Variants in ZNF354B observed in about 807,000 individuals in gnomAD.
ZNF354B encodes zinc finger protein 354B.
A neutral mutation model predicts 12.9 loss-of-function variants in ZNF354B; 10 were observed. The observed-to-expected ratio is 0.77, with a 90% confidence interval of 0.48 to 1.31. The LOEUF (loss-of-function observed/expected upper bound fraction) is 1.31, where lower values mean the gene tolerates loss of function less well. Ranked by LOEUF, ZNF354B falls within the 40% of genes most tolerant of loss-of-function variation. ZNF354B has a pLI of 0.00. For missense variants in ZNF354B, 614 were observed against 711.7 expected (o/e 0.86, Z 1.56); for synonymous variants, 260 against 243.7 (o/e 1.07, Z -0.62).
At chr5:178,879,276 A>T (rs1757683526) in intron 4 of ZNF354B, among the ~76,000 whole-genome samples, 1 of 151,890 alleles carries the variant, frequency 6.6e-6, no homozygotes, top group Non-Finnish European at 1.5e-5. Flanking sequence ...CAAACTCCTG[A>T]CCTTAAGAGA....
At chr5:178,876,489 T>C (rs1337431275) in intron 4 of ZNF354B, among the ~76,000 whole-genome samples, 2 of 152,238 alleles carry the variant, frequency 1.3e-5, no homozygotes, top group Admixed American at 6.5e-5. Context: ...GCAGGGCTGG[T>C]GTGACCATGC....
At chr5:178,880,344 G>A (rs534214353) in intron 4 of ZNF354B, among the ~76,000 whole-genome samples, 6 of 148,966 alleles carry the variant, frequency 4.0e-5, no homozygotes, top group African/African-American at 1.5e-4. Flanking sequence ...GGAGTGTAGG[G>A]GCACGCCACC....
chr5:178,866,381 T>G lies in ZNF354B; in HGVS notation c.160+11T>G. 1.9e-6 allele frequency: 3 copies of G among 1,606,742 alleles called. No homozygotes were observed. Among genetic ancestry groups the G allele is most frequent in the Non-Finnish European group, 2.5e-6 (3 of 1,176,606 alleles). On this transcript the variant is annotated intron_variant, in intron 3 of 4. Coordinates refer to ENST00000322434, the MANE Select transcript of ZNF354B (RefSeq NM_058230.3). ...ACCTGGTCTCACTGGGTAAGGAAAT[T>G]TCCCCTCTAGAAACAGAATTCAAAA...
At position 178,883,301 on chromosome 5, in the gene ZNF354B, A is replaced by G; in HGVS notation, c.849A>G (p.Ala283=). Residue 283 remains alanine, a synonymous_variant, in exon 5 of 5, where the codon GCA becomes GCG. Coordinates refer to ENST00000322434, the MANE Select transcript of ZNF354B (RefSeq NM_058230.3). The part of the protein sequence containing the change: ...KECGKAFSHS[A]SLCKHLRTHT... The stretch of plus-strand genomic sequence containing the variant: ...GTGGGAAAGCCTTCAGCCATAGTGC[A>G]TCCCTTTGTAAGCATTTAAGGACCC... The G allele has an allele frequency of 6.2e-7, 1 of 1,613,638 alleles. No individual in the cohort carries two copies. The highest frequency in any genetic ancestry group is 8.5e-7 in the Non-Finnish European group (1 of 1,179,826).
intron 1 of ZNF354B, among the ~76,000 whole-genome samples, chr5:178,860,513 A>T (rs1757329683): frequency 6.6e-6 from 1 of 152,094 alleles, no homozygotes; most frequent in Non-Finnish European, 1.5e-5. Context: ...TCCTCTTCAA[A>T]GCCGTTTTCC....
intron 4 of ZNF354B, among the ~76,000 whole-genome samples, chr5:178,880,187 T>C (rs979445271): frequency 6.6e-6 from 1 of 151,996 alleles, no homozygotes; most frequent in African/African-American, 2.4e-5. Flanking sequence ...TCATCCAATT[T>C]CTTTTTTTCC....
intron 4 of ZNF354B, among the ~76,000 whole-genome samples, chr5:178,870,751 T>C (rs189418875): frequency 2.6e-5 from 4 of 152,298 alleles, no homozygotes; most frequent in Admixed American, 6.5e-5. Flanking sequence ...CCTGATGACA[T>C]GGCCTGGAAT....
rs780137796 is a variant in ZNF354B at position 178,882,860 on chromosome 5, C to T, written c.408C>T (p.Asp136=). ...AAGAGAAATTAAAGAAACAGCAGGA[C>T]AAAAATGAAAATTTACAAATAATTT... ...IYEEKLKKQQ[D]KNENLQIISV... Residue 136 remains aspartate, a synonymous_variant, in exon 5 of 5, where the codon GAC becomes GAT. Transcript: ENST00000322434. The T allele has an allele frequency of 1.9e-6, 3 of 1,604,380 alleles. No homozygotes were observed. In the South Asian group the frequency reaches 3.4e-5, roughly 18 times the overall value.
intron 4 of ZNF354B, among the ~76,000 whole-genome samples, chr5:178,872,139 T>C (rs552222650): frequency 1.3e-5 from 2 of 152,334 alleles, no homozygotes; most frequent in African/African-American, 4.8e-5. Context: ...ACTGCCCCTG[T>C]TCCCTGCCTC....
At position 178,865,942 on chromosome 5, in the gene ZNF354B, A is replaced by G. The variant is rs548164671; in HGVS notation, c.34-302A>G. 1.4e-4 allele frequency among the ~76,000 whole-genome samples: 21 copies of G among 152,324 alleles called. No homozygotes were observed. In the South Asian group the frequency reaches 4.1e-3, roughly 30 times the overall value. Reference sequence around the variant, plus strand: ...GTAATTGGTGAGTTAAAGATTATACATAGTTCTAAGTTCTTATGTATTATA... The same window carrying G: ...GTAATTGGTGAGTTAAAGATTATACGTAGTTCTAAGTTCTTATGTATTATA... On this transcript the variant is annotated intron_variant, in intron 2 of 4. Transcript: ENST00000322434.
At chr5:178,877,872 C>T (rs1342871903) in intron 4 of ZNF354B, among the ~76,000 whole-genome samples, 1 of 152,234 alleles carries the variant, frequency 6.6e-6, no homozygotes, top group Non-Finnish European at 1.5e-5. Context: ...CAGACAGATT[C>T]TGACACCTCA....
intron 4 of ZNF354B, among the ~76,000 whole-genome samples, chr5:178,871,742 G>A (rs1032667540): frequency 3.3e-5 from 5 of 152,154 alleles, no homozygotes; most frequent in Admixed American, 6.5e-5. Flanking sequence ...ACTTGGATTC[G>A]ATGTGGAAGA....
intron 4 of ZNF354B, among the ~76,000 whole-genome samples, chr5:178,869,669 T>C (rs998540215): frequency 2.0e-5 from 3 of 152,100 alleles, no homozygotes; most frequent in Non-Finnish European, 4.4e-5. Context: ...GCCGGGCACC[T>C]GATAGTGTTG....
intron 1 of ZNF354B, among the ~76,000 whole-genome samples, chr5:178,860,457 A>G (rs1757328953): frequency 6.6e-6 from 1 of 152,098 alleles, no homozygotes. Context: ...TTTCTGAGTC[A>G]GTCCCCAGGA....
chr5:178,869,782 T>G (rs930103516), intron 4 of ZNF354B, among the ~76,000 whole-genome samples: 17 of 152,122 alleles, frequency 1.1e-4, no homozygotes, highest in Non-Finnish European at 2.4e-4. Flanking sequence ...GCCCGATTGC[T>G]CTTGGTGGGA....
At chr5:178,863,010 C>G (rs984472657) in intron 2 of ZNF354B, among the ~76,000 whole-genome samples, 1 of 152,202 alleles carries the variant, frequency 6.6e-6, no homozygotes, top group Non-Finnish European at 1.5e-5. Flanking sequence ...GACCTGGGAT[C>G]TTGGCTGCCC....
intron 3 of ZNF354B, among the ~76,000 whole-genome samples, chr5:178,866,626 T>A (rs1198155555): frequency 6.6e-6 from 1 of 152,190 alleles, no homozygotes; most frequent in African/African-American, 2.4e-5. Flanking sequence ...CTCTCATAGT[T>A]CAGGCAGCAT....
chr5:178,882,739 C>T lies in ZNF354B; in HGVS notation c.287C>T (p.Ser96Leu), dbSNP rs771115394. ...GCKSTPKMTK[S>L]TQTQDSFQEQ... is the part of the protein sequence containing the mutation. ...AAGAGCACACCTAAAATGACAAAGT[C>T]AACTCAAACTCAGGATTCATTTCAG... The change falls in exon 5 of 5, where the codon TCA (serine) becomes TTA (leucine). Residue 96 changes from serine (S) to leucine (L), a missense_variant. Coordinates refer to ENST00000322434, the MANE Select transcript of ZNF354B (RefSeq NM_058230.3). The T allele has an allele frequency of 1.7e-5, 27 of 1,569,452 alleles. No homozygotes were observed. Among genetic ancestry groups the T allele is most frequent in the Non-Finnish European group, 2.2e-5 (26 of 1,167,852 alleles).
chr5:178,882,451 T>G (rs764820449), intron 4 of ZNF354B, among the ~76,000 whole-genome samples: 1 of 152,166 alleles, frequency 6.6e-6, no homozygotes, highest in Non-Finnish European at 1.5e-5. Flanking sequence ...TTCATATGCC[T>G]CCTCCTCCTC....
Sources: gnomAD v4.1 joint callset for allele counts (sites outside exome capture counted in the v4.1 genomes callset) on GRCh38, gnomAD v4.1.1 for gene constraint, MANE v1.5 for transcripts, NCBI Gene and HGNC (gene_info 2026-07-23, HGNC 2026-07-21) for gene names.